The following DMD variants were observed in gnomAD, a reference collection of about 807,000 sequenced individuals.
The protein encoded by DMD is mutant dystrophin.
DMD carries 63 observed loss-of-function variants against 330.1 expected under a neutral mutation model. The observed-to-expected ratio is 0.19, with a 90% CI of 0.16 to 0.24. The LOEUF is 0.24. Among genes scored for constraint, DMD ranks in the 10% least tolerant of loss-of-function variants. DMD has a pLI of 1.00. For synonymous variants in DMD, 1,223 were observed against 959.8 expected (o/e 1.27, Z -5.07); for missense variants, 3,344 against 2,684.1 (o/e 1.25, Z -5.43).
intron 60 of DMD, among the ~76,000 whole-genome samples, chrX:31,370,882 G>A (rs1201322106): frequency 8.9e-6 from 1 of 112,102 alleles, no homozygotes; most frequent in African/African-American, 3.2e-5. Flanking sequence ...TATAAAAAGA[G>A]AAATCTCTAG....
intron 50 of DMD, among the ~76,000 whole-genome samples, chrX:31,775,926 A>T (rs1462701031): frequency 8.9e-6 from 1 of 112,244 alleles, no homozygotes; most frequent in African/African-American, 3.2e-5. Context: ...GAATAAAAAA[A>T]TTTGTGTCAC....
intron 2 of DMD, among the ~76,000 whole-genome samples, chrX:32,999,142 C>T (rs745491886): frequency 8.9e-6 from 1 of 112,245 alleles, no homozygotes; most frequent in Admixed American, 9.4e-5. Flanking sequence ...AAATTGATCG[C>T]GATAGCAGTA....
At chrX:31,940,966 C>T (rs190069958) in intron 45 of DMD, among the ~76,000 whole-genome samples, 250 of 111,478 alleles carry the variant, frequency 2.2e-3, no homozygotes, top group Non-Finnish European at 3.8e-3. Flanking sequence ...TATCCCACAT[C>T]GAATTCAGTT....
intron 21 of DMD, among the ~76,000 whole-genome samples, chrX:32,474,961 T>A (rs1003091292): frequency 8.9e-6 from 1 of 111,832 alleles, no homozygotes; most frequent in Non-Finnish European, 1.9e-5. Flanking sequence ...TTTTCCAATG[T>A]TATCTTCTAG....
chrX:33,298,504 T>C (rs1223505002), intron 1 of DMD, among the ~76,000 whole-genome samples: 2 of 112,167 alleles, frequency 1.8e-5, no homozygotes, highest in Non-Finnish European at 3.8e-5. Context: ...AGATTCAATA[T>C]GTGATTCTTA....
Position 32,614,965 on chromosome X carries a change from C to A in DMD, c.1332-512G>T, listed in dbSNP as rs112943703. 5.6e-3 allele frequency among the ~76,000 whole-genome samples: 623 copies of A among 110,624 alleles called. 8 individuals are homozygous for A. The highest frequency in any genetic ancestry group is 0.019 in the African/African-American group (574 of 30,473). On this transcript the variant is annotated intron_variant, in intron 11 of 78. Coordinates refer to ENST00000357033, the MANE Select transcript of DMD (RefSeq NM_004006.3). ...AAAAGAACTGGCAGCATTTGTATTT[C>A]TTCCTCTCTTGAAGCCTAGATTCCA... is the stretch of plus-strand genomic sequence containing the variant.
chrX:33,084,497 G>C (rs149583429), intron 1 of DMD, among the ~76,000 whole-genome samples: 161 of 111,835 alleles, frequency 1.4e-3, no homozygotes, highest in African/African-American at 4.9e-3. Flanking sequence ...TGAGCCAGGA[G>C]TGCTGACTGG....
At chrX:32,758,131 G>C (rs946255190) in intron 7 of DMD, among the ~76,000 whole-genome samples, 2 of 111,794 alleles carry the variant, frequency 1.8e-5, no homozygotes, top group East Asian at 5.6e-4. Flanking sequence ...CACTTTTCCA[G>C]GTCCCACATG....
rs369576702 is a variant in DMD at position 32,279,963 on chromosome X, A to G, written c.6290+7566T>C. Reference sequence around the variant, plus strand: ...ACATATATACACATATATATGTGTAACCCATATATATATGTACCCCACATA... The same window carrying G: ...ACATATATACACATATATATGTGTAGCCCATATATATATGTACCCCACATA... On this transcript the variant is annotated intron_variant, in intron 43 of 78. Coordinates refer to ENST00000357033, the MANE Select transcript of DMD (RefSeq NM_004006.3). Among the ~76,000 whole-genome samples, 112 of 52,407 alleles carry G rather than the reference A, an allele frequency of 2.1e-3. 3 individuals carry two copies. The highest frequency in any genetic ancestry group is 6.8e-3 in the African/African-American group (102 of 14,907). The allele number at this position is 52,407 out of a possible 115,157, so 45.5% of individuals were successfully genotyped here.
At chrX:32,310,602 T>C (rs2097558673) in intron 41 of DMD, among the ~76,000 whole-genome samples, 1 of 111,001 alleles carries the variant, frequency 9.0e-6, no homozygotes, top group Admixed American at 9.6e-5. Flanking sequence ...GCATTTAAAT[T>C]TCTAATTCTA....
chrX:32,558,626 C>A (rs1209269599), intron 16 of DMD, among the ~76,000 whole-genome samples: 1 of 111,319 alleles, frequency 9.0e-6, no homozygotes, highest in African/African-American at 3.3e-5. Flanking sequence ...ACTAAGTACT[C>A]CAGAGTTTCA....
rs187874200 is a variant in DMD at position 32,321,046 on chromosome X, T to C, written c.5923-10770A>G. On this transcript the variant is annotated intron_variant, in intron 41 of 78. Transcript: ENST00000357033. ...ATCTGTAAGTAATCTCACTCAACTC[T>C]GAAGATAATTAATTTAAAAACCTAT... Among the ~76,000 whole-genome samples the C allele has an allele frequency of 4.3e-3, 476 of 111,957 alleles. 2 individuals carry two copies. The highest frequency in any genetic ancestry group is 0.015 in the African/African-American group (454 of 30,918).
intron 52 of DMD, among the ~76,000 whole-genome samples, chrX:31,685,219 T>C (rs777570571): frequency 9.5e-6 from 1 of 104,897 alleles, no homozygotes; most frequent in South Asian, 4.1e-4. Context: ...TTGCCACCAA[T>C]GTTTACCTCT....
At chrX:33,273,557 C>T (rs2053192348) in intron 1 of DMD, among the ~76,000 whole-genome samples, 1 of 112,009 alleles carries the variant, frequency 8.9e-6, no homozygotes, top group Admixed American at 9.5e-5. Context: ...AAATGATATC[C>T]CTTACTGCCA....
chrX:32,026,174 T>C (rs900376482), intron 44 of DMD, among the ~76,000 whole-genome samples: 5 of 112,160 alleles, frequency 4.5e-5, no homozygotes, highest in African/African-American at 1.6e-4. Flanking sequence ...AATTCAGATA[T>C]AAAATATTTT....
chrX:32,673,989 G>C (rs2061801061), intron 9 of DMD, among the ~76,000 whole-genome samples: 1 of 111,453 alleles, frequency 9.0e-6, no homozygotes, highest in Admixed American at 9.6e-5. Flanking sequence ...CAAACCTAGG[G>C]CAAGCACCAG....
chrX:33,185,037 T>C (rs914957329), intron 1 of DMD, among the ~76,000 whole-genome samples: 1 of 110,670 alleles, frequency 9.0e-6, no homozygotes, highest in African/African-American at 3.3e-5. Context: ...AGGATTTATT[T>C]TCAGGGAGCC....
chrX:31,596,498 C>T (rs911522064), intron 55 of DMD, among the ~76,000 whole-genome samples: 2 of 111,445 alleles, frequency 1.8e-5, no homozygotes, highest in African/African-American at 3.3e-5. Flanking sequence ...ATTGAGAAGA[C>T]CTGGGCTGTT....
intron 4 of DMD, among the ~76,000 whole-genome samples, chrX:32,840,075 C>T (rs1179767469): frequency 8.9e-6 from 1 of 112,019 alleles, no homozygotes; most frequent in Non-Finnish European, 1.9e-5. Context: ...TTCCTTTGTT[C>T]CAAGTTTGGT....
Sources: allele counts gnomAD v4.1 joint callset (sites outside exome capture counted in the v4.1 genomes callset), GRCh38; gene constraint gnomAD v4.1.1; transcripts MANE v1.5; gene names NCBI Gene and HGNC (gene_info 2026-07-23, HGNC 2026-07-21).